Variants in DCT observed in about 807,000 individuals in gnomAD.
DCT encodes L-dopachrome tautomerase.
A neutral mutation model predicts 53.0 loss-of-function variants in DCT; 47 were observed. That is an observed-to-expected ratio of 0.89 (90% CI 0.70 to 1.13). The LOEUF is 1.13. DCT is among the 50% of genes most tolerant of loss of function. DCT has a pLI of 0.00. For missense variants in DCT, 669 were observed against 637.4 expected (o/e 1.05, Z -0.53); for synonymous variants, 244 against 237.0 (o/e 1.03, Z -0.27).
At chr13:94,528,790 A>T in the DCT span, among the ~76,000 whole-genome samples, 1 of 148,782 alleles carries the variant, frequency 6.7e-6, no homozygotes, top group East Asian at 2.0e-4. Flanking sequence ...CAAACGTAAC[A>T]ATATTAACCT....
Position 94,438,119 on chromosome 13 carries a change from T to TTATA in DCT, c.*1775_*1778dup, listed in dbSNP as rs1181193988. On this transcript the variant is annotated 3_prime_UTR_variant, in exon 8 of 8. Transcript: ENST00000377028. Reference sequence around the variant, plus strand: ...TCAGAAATATATGTACCATGCACAATTATATCTCCATTTTAATAAATTTCT... The same window carrying TTATA: ...TCAGAAATATATGTACCATGCACAATTATATATATCTCCATTTTAATAAATTTCT... 1 of 152,430 alleles carries TTATA rather than the reference T, an allele frequency of 6.6e-6. No homozygotes were observed. Among genetic ancestry groups the TTATA allele is most frequent in the African/African-American group, 2.4e-5 (1 of 41,460 alleles). 9.4% of individuals were successfully genotyped at this position (152,430 alleles called of 1,614,324 possible).
chr13:94,537,920 A>G, the DCT span, among the ~76,000 whole-genome samples: 4 of 152,248 alleles, frequency 2.6e-5, no homozygotes, highest in Non-Finnish European at 5.9e-5. Context: ...CACCATTGGC[A>G]GGATGAAAAA....
chr13:94,443,119 G>T (rs1210038692), intron 7 of DCT, among the ~76,000 whole-genome samples: 1 of 152,154 alleles, frequency 6.6e-6, no homozygotes, highest in Non-Finnish European at 1.5e-5. Flanking sequence ...CCATAGGGAG[G>T]TTTTTTATTA....
intron 7 of DCT, among the ~76,000 whole-genome samples, chr13:94,440,702 A>ATTTTTTTT (rs1882238478): frequency 1.9e-5 from 1 of 53,894 alleles, no homozygotes; most frequent in African/African-American, 8.2e-5. Flanking sequence ...TTTTTTTTAG[A>ATTTTTTTT]TAAAGTCTCG....
the DCT span, among the ~76,000 whole-genome samples, chr13:94,522,649 T>G: frequency 1.3e-5 from 2 of 152,248 alleles, no homozygotes; most frequent in Non-Finnish European, 2.9e-5. Context: ...GTCCCAACTT[T>G]CATCCTTGTG....
Position 94,437,396 on chromosome 13 carries a change from T to G in DCT, c.*2502A>C, listed in dbSNP as rs568189573. 3.4e-4 allele frequency: 52 copies of G among 152,238 alleles called. No homozygotes were observed. The highest frequency in any genetic ancestry group is 7.1e-4 in the Non-Finnish European group (48 of 68,042). The allele number at this position is 152,238 out of a possible 1,614,324, so 9.4% of individuals were successfully genotyped here. On this transcript the variant is annotated 3_prime_UTR_variant, in exon 8 of 8. Coordinates refer to ENST00000377028, the MANE Select transcript of DCT (RefSeq NM_001922.5). ...TTAAAACTAGTCATTAAAAGTATTA[T>G]AATTAACAATGTTAAATCCTAAGCA... is the stretch of plus-strand genomic sequence containing the variant.
chr13:94,442,114 T>C (rs969263210), intron 7 of DCT, among the ~76,000 whole-genome samples: 1 of 152,120 alleles, frequency 6.6e-6, no homozygotes, highest in Non-Finnish European at 1.5e-5. Flanking sequence ...GGCTCTTTCA[T>C]AAATTTGAAC....
the DCT span, among the ~76,000 whole-genome samples, chr13:94,526,943 T>C: frequency 6.6e-6 from 1 of 151,704 alleles, no homozygotes; most frequent in Non-Finnish European, 1.5e-5. Context: ...CCCACAGTCT[T>C]AGCAACTGGC....
chr13:94,541,749 C>A, the DCT span, among the ~76,000 whole-genome samples: 1 of 152,110 alleles, frequency 6.6e-6, no homozygotes, highest in Admixed American at 6.5e-5. Context: ...CTAATTTGAT[C>A]ATTACACTTT....
In DCT at chr13:94,460,158, A is replaced by T. The variant is rs759340915; in HGVS notation, c.1112T>A (p.Leu371Ter). 4 of 1,614,104 alleles carry T rather than the reference A, an allele frequency of 2.5e-6. No individual in the cohort carries two copies. Among genetic ancestry groups the T allele is most frequent in the Non-Finnish European group, 3.4e-6 (4 of 1,179,928 alleles). ...LDSQVMSLHN[L>*]VHSFLNGTNA... The stretch of plus-strand genomic sequence containing the variant: ...TGTCCCGTTCAGGAAGGAATGAACC[A>T]AATTATGAAGGCTCATCACTTGAGA... The change falls in exon 6 of 8, where the codon TTG (leucine) becomes TAG (stop). Residue 371 changes from leucine to a stop codon, truncating the protein, a stop_gained. Transcript: ENST00000377028. LOFTEE classifies it high-confidence loss of function.
chr13:94,468,179 C>T (rs1288420884), intron 2 of DCT: 1 of 152,760 alleles, frequency 6.5e-6, no homozygotes, highest in Admixed American at 6.5e-5. Flanking sequence ...TCCAAGAAAC[C>T]TGGGGATTCC....
At chr13:94,453,829 A>G (rs1330723760) in intron 6 of DCT, among the ~76,000 whole-genome samples, 2 of 152,374 alleles carry the variant, frequency 1.3e-5, no homozygotes, top group Non-Finnish European at 2.9e-5. Flanking sequence ...CCAGCCACAT[A>G]GAACTGTAAG....
intron 6 of DCT, among the ~76,000 whole-genome samples, chr13:94,450,464 G>A (rs1322715258): frequency 1.3e-5 from 2 of 152,088 alleles, no homozygotes; most frequent in Non-Finnish European, 2.9e-5. Context: ...AGGCATTTTG[G>A]AGGAGTTATA....
chr13:94,463,285 C>CTTT (rs34241046), intron 4 of DCT, among the ~76,000 whole-genome samples: 3 of 131,360 alleles, frequency 2.3e-5, no homozygotes, highest in Admixed American at 7.6e-5. Flanking sequence ...TACTGGCTAA[C>CTTT]TTTTTTTTTT....
the DCT span, among the ~76,000 whole-genome samples, chr13:94,516,029 C>G: frequency 8.8e-6 from 1 of 113,312 alleles, no homozygotes; most frequent in Non-Finnish European, 1.9e-5. Context: ...AGCAGCAACT[C>G]AAGCCCCGCC....
the DCT span, among the ~76,000 whole-genome samples, chr13:94,526,185 T>C: frequency 2.0e-5 from 3 of 152,228 alleles, no homozygotes; most frequent in Non-Finnish European, 4.4e-5. Flanking sequence ...GCACTCACTG[T>C]ATGCCCACTC....
chr13:94,458,115 T>C (rs1883530923), intron 6 of DCT, among the ~76,000 whole-genome samples: 1 of 152,056 alleles, frequency 6.6e-6, no homozygotes, highest in African/African-American at 2.4e-5. Flanking sequence ...TATGAGCATC[T>C]GCTGCTGTTT....
chr13:94,445,737 G>A (rs1711708927), intron 6 of DCT: 1 of 1,587,976 alleles, frequency 6.3e-7, no homozygotes. Context: ...GCAGGGAAGG[G>A]AGTTCCTTGG....
chr13:94,537,064 A>G, the DCT span, among the ~76,000 whole-genome samples: 1 of 152,242 alleles, frequency 6.6e-6, no homozygotes, highest in Admixed American at 6.5e-5. Context: ...TAAATTTCCC[A>G]GTGTCACGTG....
Sources: allele counts gnomAD v4.1 joint callset (sites outside exome capture counted in the v4.1 genomes callset), GRCh38; gene constraint gnomAD v4.1.1; transcripts MANE v1.5; gene names NCBI Gene and HGNC (gene_info 2026-07-23, HGNC 2026-07-21).